Variants in DMD observed in about 807,000 individuals in gnomAD.
DMD encodes dystrophin, also known as mutant dystrophin.
DMD carries 63 observed loss-of-function variants against 330.1 expected under a neutral mutation model. That is an observed-to-expected ratio of 0.19 (90% CI 0.16 to 0.24). The LOEUF is 0.24. Among genes scored for constraint, DMD ranks in the 10% least tolerant of loss-of-function variants. DMD has a pLI of 1.00. For missense variants in DMD, 3,344 were observed against 2,684.1 expected (o/e 1.25, Z -5.43); for synonymous variants, 1,223 against 959.8 (o/e 1.27, Z -5.07).
At chrX:33,263,801 A>G (rs1045986057) in intron 1 of DMD, among the ~76,000 whole-genome samples, 1 of 110,582 alleles carries the variant, frequency 9.0e-6, no homozygotes, top group Non-Finnish European at 1.9e-5. Flanking sequence ...CTGAAATAAT[A>G]AGAATTATAT....
In DMD at chrX:32,184,832, C is replaced by CTT. The variant is rs78157427; in HGVS notation, c.6438+32082_6438+32083dup. On this transcript the variant is annotated intron_variant, in intron 44 of 78. Coordinates refer to ENST00000357033, the MANE Select transcript of DMD (RefSeq NM_004006.3). ...AGCCTGAGGTCTTGACTACAGATGT[C>CTT]TTTTTTTTTTTTTTTTTTTTTTCAG... Among the ~76,000 whole-genome samples the CTT allele has an allele frequency of 3.2e-3, 191 of 60,603 alleles. 2 individuals are homozygous for CTT. The highest frequency in any genetic ancestry group is 0.011 in the Middle Eastern group (1 of 95). The allele number at this position is 60,603 out of a possible 115,157, so 52.6% of individuals were successfully genotyped here. A position where few individuals can be genotyped will look rare whatever the true frequency, so the allele number is the denominator to read the frequency against.
intron 63 of DMD, among the ~76,000 whole-genome samples, chrX:31,237,969 C>T (rs1244871801): frequency 8.9e-6 from 1 of 112,050 alleles, no homozygotes; most frequent in Non-Finnish European, 1.9e-5. Flanking sequence ...ATCTGCCTGC[C>T]TTGGCCTCCC....
At chrX:33,336,309 C>T (rs2054254426) in intron 1 of DMD, among the ~76,000 whole-genome samples, 2 of 102,221 alleles carry the variant, frequency 2.0e-5, no homozygotes, top group Middle Eastern at 4.9e-3. Context: ...TTTTTATTTG[C>T]TTTTTCCTTC....
At chrX:31,348,711 A>C (rs770506004) in intron 60 of DMD, 77 bp from the exon 61 acceptor site, 2 of 896,249 alleles carry the variant, frequency 2.2e-6, no homozygotes, top group African/African-American at 3.9e-5. Context: ...ATCCTTTCTG[A>C]TAAGATACTT....
intron 44 of DMD, among the ~76,000 whole-genome samples, chrX:32,152,570 C>A (rs971337491): frequency 7.2e-5 from 8 of 111,453 alleles, no homozygotes; most frequent in Non-Finnish European, 1.1e-4. Flanking sequence ...TTATACTCAA[C>A]TTCAAATAAA....
intron 30 of DMD, among the ~76,000 whole-genome samples, chrX:32,402,436 T>A (rs751236766): frequency 3.6e-5 from 4 of 111,285 alleles, no homozygotes; most frequent in African/African-American, 1.3e-4. Flanking sequence ...ACAATCCAAC[T>A]TTAGGACATT....
intron 1 of DMD, among the ~76,000 whole-genome samples, chrX:33,095,668 C>T (rs191810520): frequency 1.8e-5 from 2 of 111,638 alleles, no homozygotes; most frequent in Admixed American, 1.9e-4. Flanking sequence ...GAATATAAAC[C>T]TGTCATATTT....
intron 32 of DMD, among the ~76,000 whole-genome samples, chrX:32,388,837 G>A (rs997153354): frequency 4.5e-5 from 5 of 111,093 alleles, no homozygotes; most frequent in Non-Finnish European, 7.6e-5. Flanking sequence ...TTTGTTTTCA[G>A]AGGAATCATC....
intron 7 of DMD, among the ~76,000 whole-genome samples, chrX:32,805,502 A>C (rs2076886552): frequency 8.9e-6 from 1 of 112,115 alleles, no homozygotes; most frequent in African/African-American, 3.2e-5. Flanking sequence ...TATACCTGGG[A>C]AAACATTCTT....
chrX:31,483,879 C>T lies in DMD; in HGVS notation c.8548-4776G>A, dbSNP rs1232495265. ...TTTAAACATGGTTATATGTAAGATC[C>T]TCTTTAATTTAGTCACTTAACAAAC... On this transcript the variant is annotated intron_variant, in intron 57 of 78. Coordinates refer to ENST00000357033, the MANE Select transcript of DMD (RefSeq NM_004006.3). 2.7e-5 allele frequency among the ~76,000 whole-genome samples: 3 copies of T among 111,684 alleles called. No individual in the cohort carries two copies. In the East Asian group the frequency reaches 8.4e-4, roughly 31 times the overall value.
At chrX:33,206,600 C>T (rs1431767895) in intron 1 of DMD, among the ~76,000 whole-genome samples, 1 of 111,845 alleles carries the variant, frequency 8.9e-6, no homozygotes, top group Admixed American at 9.5e-5. Context: ...ACTATCATTA[C>T]ATATACTACG....
chrX:31,618,271 G>A (rs2078330860), intron 55 of DMD, among the ~76,000 whole-genome samples: 1 of 109,631 alleles, frequency 9.1e-6, no homozygotes, highest in Non-Finnish European at 1.9e-5. Context: ...GAAGGAATGA[G>A]TGCTTAGAGA....
intron 36 of DMD, 110 bp downstream of exon 36, chrX:32,364,472 G>A (rs2097847384): frequency 2.2e-6 from 2 of 906,161 alleles, no homozygotes; most frequent in Non-Finnish European, 3.2e-6. Flanking sequence ...AAGGAAGGAA[G>A]AAAGGATTGT....
intron 34 of DMD, among the ~76,000 whole-genome samples, chrX:32,369,808 A>G (rs976190551): frequency 4.5e-5 from 5 of 111,293 alleles, no homozygotes; most frequent in Non-Finnish European, 7.6e-5. Context: ...TCTAGAGCTT[A>G]TCTTCAATCA....
chrX:32,227,905 A>G (rs950552291), intron 43 of DMD, among the ~76,000 whole-genome samples: 5 of 111,047 alleles, frequency 4.5e-5, no homozygotes, highest in East Asian at 2.8e-4. Context: ...GGACGCTGTA[A>G]CAGAAAAGCC....
intron 76 of DMD, 120 bp from the exon 77 acceptor site, chrX:31,134,314 G>C (rs2034902256): frequency 7.5e-6 from 4 of 532,773 alleles, no homozygotes; most frequent in East Asian, 4.0e-5. Context: ...AAATAACAAA[G>C]AAAACCCTCA....
intron 7 of DMD, among the ~76,000 whole-genome samples, chrX:32,787,561 T>C (rs1438551047): frequency 9.0e-6 from 1 of 111,204 alleles, no homozygotes; most frequent in Non-Finnish European, 1.9e-5. Flanking sequence ...ATACTGTTTT[T>C]CCCATACATA....
intron 20 of DMD, among the ~76,000 whole-genome samples, chrX:32,485,440 C>G (rs1477294397): frequency 9.0e-6 from 1 of 110,658 alleles, no homozygotes; most frequent in Non-Finnish European, 1.9e-5. Flanking sequence ...TGGCTGCACC[C>G]CTCTTATATC....
chrX:33,082,264 C>A (rs762271581), intron 1 of DMD, among the ~76,000 whole-genome samples: 1 of 111,863 alleles, frequency 8.9e-6, no homozygotes, highest in East Asian at 2.8e-4. Context: ...AAAAGAAATT[C>A]TTTTAGATCT....
Sources: allele counts gnomAD v4.1 joint callset (sites outside exome capture counted in the v4.1 genomes callset), GRCh38; gene constraint gnomAD v4.1.1; transcripts MANE v1.5; gene names NCBI Gene and HGNC (gene_info 2026-07-23, HGNC 2026-07-21).